Variants in AKAP19 observed in about 807,000 individuals in gnomAD.
AKAP19 encodes A-kinase anchoring protein 19, also known as small A-kinase anchoring protein.
the AKAP19 span, among the ~76,000 whole-genome samples, chr2:189,904,938 A>G: frequency 2.6e-5 from 4 of 152,002 alleles, no homozygotes; most frequent in Admixed American, 6.6e-5. Context: ...TCAAAGTTCT[A>G]TATAGTTATT....
chr2:190,187,398 T>A, the AKAP19 span, among the ~76,000 whole-genome samples: 1 of 150,220 alleles, frequency 6.7e-6, no homozygotes, highest in Non-Finnish European at 1.5e-5. Flanking sequence ...CACAGCAGAT[T>A]TTAGAAGTTA....
chr2:190,017,899 A>G, the AKAP19 span, among the ~76,000 whole-genome samples: 1 of 152,138 alleles, frequency 6.6e-6, no homozygotes, highest in Non-Finnish European at 1.5e-5. Context: ...TCTCTTCCTC[A>G]TTTATAAAGG....
the AKAP19 span, among the ~76,000 whole-genome samples, chr2:189,942,951 T>G: frequency 6.6e-6 from 1 of 152,176 alleles, no homozygotes; most frequent in African/African-American, 2.4e-5. Context: ...GAACTTATAT[T>G]TAAAAGGGAA....
At chr2:190,068,783 T>C in the AKAP19 span, among the ~76,000 whole-genome samples, 1 of 152,230 alleles carries the variant, frequency 6.6e-6, no homozygotes, top group Non-Finnish European at 1.5e-5. Context: ...GTTCTGACTG[T>C]AGTTCATAGC....
At chr2:190,048,582 C>T in the AKAP19 span, among the ~76,000 whole-genome samples, 9 of 152,150 alleles carry the variant, frequency 5.9e-5, no homozygotes, top group Admixed American at 4.6e-4. Flanking sequence ...AGTATATATC[C>T]ATAATAATTA....
At chr2:189,897,811 C>A in the AKAP19 span, among the ~76,000 whole-genome samples, 1 of 152,130 alleles carries the variant, frequency 6.6e-6, no homozygotes. Flanking sequence ...TTTATTTCAG[C>A]AAAATGCTCT....
chr2:190,060,413 A>C, the AKAP19 span: 1 of 1,610,088 alleles, frequency 6.2e-7, no homozygotes, highest in Non-Finnish European at 8.5e-7. Flanking sequence ...TGGGTTTTCC[A>C]TCCACTTGCA....
the AKAP19 span, among the ~76,000 whole-genome samples, chr2:189,924,995 A>G: frequency 6.6e-6 from 1 of 152,152 alleles, no homozygotes; most frequent in Non-Finnish European, 1.5e-5. Context: ...AAACAGAAAC[A>G]CACTTTCTGT....
chr2:190,004,952 TC>T, the AKAP19 span, among the ~76,000 whole-genome samples: 1 of 152,208 alleles, frequency 6.6e-6, no homozygotes, highest in Non-Finnish European at 1.5e-5. Flanking sequence ...GTTCTTGGTC[TC>T]ACTTAGTTCA....
At chr2:189,883,549 AC>A in the AKAP19 span, among the ~76,000 whole-genome samples, 1 of 148,512 alleles carries the variant, frequency 6.7e-6, no homozygotes, top group Non-Finnish European at 1.5e-5. Flanking sequence ...ATTTGGAACA[AC>A]CTTTTTCCCC....
At chr2:190,127,053 T>C in the AKAP19 span, among the ~76,000 whole-genome samples, 1 of 151,992 alleles carries the variant, frequency 6.6e-6, no homozygotes, top group Admixed American at 6.6e-5. Context: ...GTAAACAAGG[T>C]GTAGCACTGT....
chr2:190,187,198 G>GT, the AKAP19 span, among the ~76,000 whole-genome samples: 57 of 152,138 alleles, frequency 3.7e-4, no homozygotes, highest in East Asian at 9.3e-3. Flanking sequence ...CCACAACATG[G>GT]TTTTTTTATA....
At chr2:190,184,481 C>T in the AKAP19 span, among the ~76,000 whole-genome samples, 1 of 152,136 alleles carries the variant, frequency 6.6e-6, no homozygotes, top group Non-Finnish European at 1.5e-5. Context: ...CATTAATCGC[C>T]TTGATGTAGA....
the AKAP19 span, among the ~76,000 whole-genome samples, chr2:190,158,607 T>C: frequency 3.9e-5 from 6 of 152,248 alleles, no homozygotes; most frequent in African/African-American, 9.6e-5. Flanking sequence ...AGGGGATTCA[T>C]AGTATCACGT....
At chr2:189,959,970 A>G in the AKAP19 span, among the ~76,000 whole-genome samples, 1 of 152,124 alleles carries the variant, frequency 6.6e-6, no homozygotes. Flanking sequence ...TTTTTTTCAT[A>G]TTCTTTGTAT....
chr2:190,189,016 C>A, the AKAP19 span, among the ~76,000 whole-genome samples: 1 of 152,158 alleles, frequency 6.6e-6, no homozygotes, highest in Non-Finnish European at 1.5e-5. Flanking sequence ...ATATCAGTGT[C>A]ATTTTTCCCA....
chr2:190,067,764 A>C, the AKAP19 span, among the ~76,000 whole-genome samples: 5 of 152,330 alleles, frequency 3.3e-5, no homozygotes, highest in South Asian at 1.0e-3. Context: ...GAGTAGAATT[A>C]ATTCAGGAAA....
the AKAP19 span, among the ~76,000 whole-genome samples, chr2:190,159,979 T>C: frequency 2.0e-5 from 3 of 152,372 alleles, no homozygotes; most frequent in South Asian, 6.2e-4. Flanking sequence ...CAATAAAACG[T>C]TACCAAATAC....
chr2:190,028,602 T>C, the AKAP19 span, among the ~76,000 whole-genome samples: 13 of 152,314 alleles, frequency 8.5e-5, no homozygotes, highest in African/African-American at 2.9e-4. Flanking sequence ...ATATTCTCTA[T>C]GCTTTTAGCT....
Sources: allele counts gnomAD v4.1 joint callset (sites outside exome capture counted in the v4.1 genomes callset), GRCh38; gene constraint gnomAD v4.1.1; transcripts MANE v1.5; gene names NCBI Gene and HGNC (gene_info 2026-07-23, HGNC 2026-07-21).